COL21A1: variants seen among roughly 807,000 people sequenced by gnomAD.
The protein encoded by COL21A1 is collagen type XXI alpha 1 chain.
COL21A1 carries 149 observed loss-of-function variants against 137.9 expected under a neutral mutation model. That is an observed-to-expected ratio of 1.08 (90% CI 0.95 to 1.24). COL21A1 has a LOEUF of 1.24. Among genes scored for constraint, COL21A1 ranks in the 50% most tolerant of loss-of-function variants. The pLI, the probability that COL21A1 is intolerant of heterozygous loss-of-function variation, is 0.00. For synonymous variants in COL21A1, 456 were observed against 391.5 expected (o/e 1.16, Z -1.95); for missense variants, 1,167 against 1,158.4 (o/e 1.01, Z -0.11).
At chr6:56,383,081 A>C (rs2094011507) in intron 1 of COL21A1, among the ~76,000 whole-genome samples, 2 of 152,188 alleles carry the variant, frequency 1.3e-5, no homozygotes, top group South Asian at 4.1e-4. Flanking sequence ...ATGCTATAAC[A>C]GATTGCCATA....
chr6:56,323,989 A>T (rs1764939335), intron 1 of COL21A1, among the ~76,000 whole-genome samples: 1 of 152,122 alleles, frequency 6.6e-6, no homozygotes, highest in Non-Finnish European at 1.5e-5. Context: ...TAAATACATC[A>T]TTTTATGGGA....
intron 17 of COL21A1, among the ~76,000 whole-genome samples, chr6:56,097,198 A>G (rs1016173221): frequency 6.6e-6 from 1 of 152,052 alleles, no homozygotes; most frequent in African/African-American, 2.4e-5. Context: ...AAGAGAGGGG[A>G]ATGGAAGAAA....
At chr6:56,337,965 T>C (rs1272311164) in intron 1 of COL21A1, among the ~76,000 whole-genome samples, 3 of 108,660 alleles carry the variant, frequency 2.8e-5, no homozygotes, top group African/African-American at 1.1e-4. Context: ...TCTTTTCTTT[T>C]TTTTTTTTTT....
intron 17 of COL21A1, among the ~76,000 whole-genome samples, chr6:56,092,190 A>G (rs1768884445): frequency 1.3e-5 from 2 of 152,142 alleles, no homozygotes; most frequent in African/African-American, 4.8e-5. Flanking sequence ...GTTTATGCTC[A>G]TGGGAGAACA....
intron 1 of COL21A1, among the ~76,000 whole-genome samples, chr6:56,234,004 T>G (rs1163663333): frequency 6.6e-6 from 1 of 151,816 alleles, no homozygotes; most frequent in Non-Finnish European, 1.5e-5. Context: ...GGATTATAAC[T>G]TCCAGAGATG....
At chr6:56,339,301 T>C (rs6915438) in intron 1 of COL21A1, among the ~76,000 whole-genome samples, 25,859 of 152,074 alleles carry the variant, frequency 0.17, 2,537 homozygotes, top group African/African-American at 0.27. Context: ...GTTTATTAGA[T>C]GGCAACGTCT....
At chr6:56,315,296 G>A (rs1212467910) in intron 1 of COL21A1, among the ~76,000 whole-genome samples, 1 of 152,138 alleles carries the variant, frequency 6.6e-6, no homozygotes, top group Non-Finnish European at 1.5e-5. Flanking sequence ...TTGATCCCAC[G>A]GGGCAGATGA....
At chr6:56,276,489 G>T in intron 1 of COL21A1, 1 of 838,346 alleles carries the variant, frequency 1.2e-6, no homozygotes, top group Non-Finnish European at 1.9e-6. Flanking sequence ...CAGAGAGAGG[G>T]GGAACAACTT....
At chr6:56,102,367 T>C (rs142481745) in intron 16 of COL21A1, among the ~76,000 whole-genome samples, 217 of 152,286 alleles carry the variant, frequency 1.4e-3, no homozygotes, top group African/African-American at 4.9e-3. Flanking sequence ...TAACAGTCAT[T>C]ATGAGCCATG....
chr6:56,164,733 T>C, intron 8 of COL21A1, 81 bp downstream of exon 8: 1 of 1,129,674 alleles, frequency 8.9e-7, no homozygotes, highest in Non-Finnish European at 1.3e-6. Context: ...CTAATATACA[T>C]ACTTACAGTT....
chr6:56,141,351 T>C (rs948407956), intron 12 of COL21A1, among the ~76,000 whole-genome samples: 1 of 152,114 alleles, frequency 6.6e-6, no homozygotes, highest in Non-Finnish European at 1.5e-5. Flanking sequence ...AAAAGACAAA[T>C]ACCATATCAT....
At chr6:56,212,463 C>T (rs543141002) in intron 1 of COL21A1, among the ~76,000 whole-genome samples, 13 of 151,982 alleles carry the variant, frequency 8.6e-5, no homozygotes, top group African/African-American at 2.4e-4. Flanking sequence ...TAGGTTTATA[C>T]GAGAAATTCT....
chr6:56,186,626 A>G (rs2152286548), intron 1 of COL21A1, among the ~76,000 whole-genome samples: 1 of 152,358 alleles, frequency 6.6e-6, no homozygotes, highest in Non-Finnish European at 1.5e-5. Context: ...ACAATAGTAG[A>G]ACAAAGTGAA....
chr6:56,150,947 G>C (rs1156286377), intron 10 of COL21A1, among the ~76,000 whole-genome samples: 1 of 152,216 alleles, frequency 6.6e-6, no homozygotes, highest in Non-Finnish European at 1.5e-5. Flanking sequence ...AACTCGGCCG[G>C]GGGCGGTGGC....
intron 1 of COL21A1, among the ~76,000 whole-genome samples, chr6:56,314,580 C>A (rs1053362677): frequency 2.0e-5 from 3 of 152,134 alleles, no homozygotes; most frequent in African/African-American, 4.8e-5. Context: ...TCCTCAACTT[C>A]AAAGTGATTG....
At chr6:56,071,623 G>T (rs1766762909) in intron 20 of COL21A1, among the ~76,000 whole-genome samples, 1 of 151,424 alleles carries the variant, frequency 6.6e-6, no homozygotes, top group African/African-American at 2.4e-5. Context: ...GGCTGCTCAT[G>T]GTAAGAAACA....
chr6:56,179,335 A>G (rs1393751863), intron 3 of COL21A1, among the ~76,000 whole-genome samples: 1 of 152,126 alleles, frequency 6.6e-6, no homozygotes, highest in Non-Finnish European at 1.5e-5. Flanking sequence ...GTTACAAAAT[A>G]TTGTATTTTC....
chr6:56,184,046 G>C (rs1181304423), intron 1 of COL21A1, among the ~76,000 whole-genome samples: 1 of 152,134 alleles, frequency 6.6e-6, no homozygotes. Context: ...TAGAACTTAT[G>C]GAACAATATC....
chr6:56,073,740 T>C (rs1766965145), intron 20 of COL21A1, among the ~76,000 whole-genome samples: 1 of 151,532 alleles, frequency 6.6e-6, no homozygotes, highest in African/African-American at 2.4e-5. Context: ...CTAAATATAT[T>C]TGTTAAGCTT....
Sources: allele counts gnomAD v4.1 joint callset (sites outside exome capture counted in the v4.1 genomes callset), GRCh38; gene constraint gnomAD v4.1.1; transcripts MANE v1.5; gene names NCBI Gene and HGNC (gene_info 2026-07-23, HGNC 2026-07-21).